The following MGLL variants were observed in gnomAD, a reference collection of about 807,000 sequenced individuals.
The protein encoded by MGLL is lysophospholipase homolog.
Under a neutral mutation model 29.1 loss-of-function variants are expected in MGLL, and 7 were observed. The ratio of observed to expected loss-of-function variants is 0.24; its 90% CI spans 0.14 to 0.45. MGLL has a LOEUF of 0.45. Among genes scored for constraint, MGLL ranks in the 20% least tolerant of loss-of-function variants. MGLL has a pLI of 0.99. For synonymous variants in MGLL, 148 were observed against 168.3 expected (o/e 0.88, Z 0.93); for missense variants, 356 against 413.6 (o/e 0.86, Z 1.21).
intron 6 of MGLL, among the ~76,000 whole-genome samples, chr3:127,701,045 T>A (rs560683662): frequency 4.0e-5 from 6 of 151,666 alleles, no homozygotes; most frequent in African/African-American, 1.5e-4. Context: ...TAAAACCCCA[T>A]CTCTACAAAA....
At chr3:127,808,406 C>T (rs1174904943) in intron 2 of MGLL, among the ~76,000 whole-genome samples, 1 of 152,196 alleles carries the variant, frequency 6.6e-6, no homozygotes, top group East Asian at 1.9e-4. Context: ...GAGTCAACTT[C>T]AGAGGAGAAA....
chr3:127,821,312 A>G (rs1478803443), intron 2 of MGLL, among the ~76,000 whole-genome samples: 1 of 152,166 alleles, frequency 6.6e-6, no homozygotes. Context: ...GCAAAGGTGA[A>G]GATATATGTA....
chr3:127,706,902 C>T (rs564282882), intron 6 of MGLL, among the ~76,000 whole-genome samples: 9 of 152,176 alleles, frequency 5.9e-5, no homozygotes, highest in Non-Finnish European at 7.3e-5. Context: ...CACGGCCGAG[C>T]TTTCCAAGAC....
At chr3:127,696,362 G>GC (rs1345363960) in intron 6 of MGLL, among the ~76,000 whole-genome samples, 1 of 142,746 alleles carries the variant, frequency 7.0e-6, no homozygotes, top group East Asian at 2.1e-4. Flanking sequence ...AATCTCTCAG[G>GC]CCCATAGAGG....
intron 5 of MGLL, among the ~76,000 whole-genome samples, chr3:127,715,302 C>G (rs1306852250): frequency 6.6e-6 from 1 of 152,166 alleles, no homozygotes; most frequent in African/African-American, 2.4e-5. Flanking sequence ...TCAAAGGAAC[C>G]ACCATAAGAG....
chr3:127,754,176 AG>A (rs2076613730), intron 3 of MGLL, among the ~76,000 whole-genome samples: 1 of 152,130 alleles, frequency 6.6e-6, no homozygotes, highest in African/African-American at 2.4e-5. Context: ...TTGGCAGGGC[AG>A]GGGCTTCCCT....
At position 127,704,769 on chromosome 3, in the gene MGLL, A is replaced by G. The variant is rs150253745; in HGVS notation, c.600+5807T>C. Among the ~76,000 whole-genome samples the G allele has an allele frequency of 4.0e-3, 607 of 152,368 alleles. 6 individuals are homozygous for G. Among genetic ancestry groups the G allele is most frequent in the African/African-American group, 0.014 (578 of 41,586 alleles). The stretch of plus-strand genomic sequence containing the variant: ...GTTGCTGGTGAGGCTGTGGAGAAAT[A>G]GGAACACTTTTACATTGTTGGTGAG... On this transcript the variant is annotated intron_variant, in intron 6 of 7. Transcript: ENST00000265052.
At chr3:127,748,318 A>C (rs1488719872) in intron 3 of MGLL, among the ~76,000 whole-genome samples, 2 of 151,286 alleles carry the variant, frequency 1.3e-5, no homozygotes, top group Non-Finnish European at 2.9e-5. Context: ...GTCTGTTGAC[A>C]TTGTTCCATC....
chr3:127,739,162 G>A (rs1234859276), intron 3 of MGLL, among the ~76,000 whole-genome samples: 3 of 152,194 alleles, frequency 2.0e-5, no homozygotes, highest in Non-Finnish European at 4.4e-5. Flanking sequence ...TCAAGTGGCC[G>A]CTGAGTGCAA....
intron 3 of MGLL, among the ~76,000 whole-genome samples, chr3:127,736,843 T>C (rs978571643): frequency 6.6e-6 from 1 of 152,156 alleles, no homozygotes; most frequent in East Asian, 1.9e-4. Flanking sequence ...CACAAGCGCA[T>C]GTCACCACGC....
intron 2 of MGLL, among the ~76,000 whole-genome samples, chr3:127,791,868 C>T (rs752593237): frequency 1.1e-4 from 17 of 152,050 alleles, no homozygotes; most frequent in Non-Finnish European, 2.2e-4. Flanking sequence ...GTCAGGAGTT[C>T]GAGACCAACC....
At position 127,760,718 on chromosome 3, in the gene MGLL, A is replaced by G. The variant is rs143287579; in HGVS notation, c.262+21071T>C. 3.5e-4 allele frequency among the ~76,000 whole-genome samples: 54 copies of G among 152,344 alleles called. 1 individual carries two copies. The Middle Eastern group carries it at 0.01, about 29-fold the overall frequency. ...GCACTGATTGGGGGGCGCTGGTCCAATGGAACCTGCGGCTCTGCACCCCAA... is the reference window on the plus strand; with the variant it reads ...GCACTGATTGGGGGGCGCTGGTCCAGTGGAACCTGCGGCTCTGCACCCCAA... On this transcript the variant is annotated intron_variant, in intron 3 of 7. Transcript: ENST00000265052.
At chr3:127,740,100 C>T (rs1209638026) in intron 3 of MGLL, among the ~76,000 whole-genome samples, 4 of 152,218 alleles carry the variant, frequency 2.6e-5, no homozygotes, top group Non-Finnish European at 5.9e-5. Context: ...CCCAGTCTTC[C>T]AAATGTTCAA....
At chr3:127,724,379 T>A (rs945287219) in intron 3 of MGLL, among the ~76,000 whole-genome samples, 3 of 152,230 alleles carry the variant, frequency 2.0e-5, no homozygotes, top group Admixed American at 1.3e-4. Context: ...CATGTAGTCG[T>A]GTGTGTCAGA....
intron 3 of MGLL, among the ~76,000 whole-genome samples, chr3:127,746,478 G>C (rs2076445675): frequency 6.6e-6 from 1 of 151,898 alleles, no homozygotes; most frequent in Non-Finnish European, 1.5e-5. Context: ...CTGGTTCTGG[G>C]GGCCTCATCC....
upstream of MGLL, chr3:127,822,965 C>G (rs2077892646): frequency 6.6e-6 from 1 of 152,168 alleles, no homozygotes; most frequent in Non-Finnish European, 1.5e-5. Context: ...ACCGTGCACA[C>G]ACACACACGC....
At chr3:127,794,194 C>T (rs2077345837) in intron 2 of MGLL, among the ~76,000 whole-genome samples, 1 of 152,144 alleles carries the variant, frequency 6.6e-6, no homozygotes, top group Admixed American at 6.5e-5. Context: ...TCTATACTCC[C>T]AGCTACTTAG....
In MGLL at chr3:127,782,095, G is replaced by A. The variant is rs1324194235; in HGVS notation, c.156-200C>T. ...AAATTAGCCGGGAGTGGTGGCATGC[G>A]CCTGTCATCCCAGCTACTCGGCAGG... On this transcript the variant is annotated intron_variant, in intron 2 of 7. Transcript: ENST00000265052. Among the ~76,000 whole-genome samples, 10 of 152,256 alleles carry A rather than the reference G, an allele frequency of 6.6e-5. No homozygotes were observed. In the East Asian group the frequency reaches 1.2e-3, roughly 18 times the overall value.
chr3:127,806,539 C>T (rs1009330715), intron 2 of MGLL, among the ~76,000 whole-genome samples: 3 of 150,456 alleles, frequency 2.0e-5, no homozygotes, highest in South Asian at 2.1e-4. Context: ...GATGGATGGA[C>T]GGATGGACTG....
Sources: allele counts gnomAD v4.1 joint callset (sites outside exome capture counted in the v4.1 genomes callset), GRCh38; gene constraint gnomAD v4.1.1; transcripts MANE v1.5; gene names NCBI Gene and HGNC (gene_info 2026-07-23, HGNC 2026-07-21).